Variants in TNC observed in about 807,000 individuals in gnomAD.
TNC encodes tenascin.
TNC carries 109 observed loss-of-function variants against 202.4 expected under a neutral mutation model. That is an observed-to-expected ratio of 0.54 (90% CI 0.46 to 0.63). The LOEUF (loss-of-function observed/expected upper bound fraction) is 0.63, where lower values mean the gene tolerates loss of function less well. Ranked by LOEUF, TNC falls within the 30% of genes least tolerant of loss-of-function variation. The probability of loss-of-function intolerance (pLI) is 0.00; values close to 1 mark genes in which losing one functional copy is unlikely to be tolerated. For missense variants in TNC, 2,756 were observed against 2,833.3 expected, an observed-to-expected ratio of 0.97 and a Z score of 0.62; for synonymous variants, 1,007 against 1,089.7, an observed-to-expected ratio of 0.92 and a Z score of 1.50.
Position 115,087,023 on chromosome 9 carries a change from G to A in TNC, c.708C>T (p.Cys236=), listed in dbSNP as rs143006527. The part of the protein sequence containing the change: ...NDQGKCVNGV[C]ICFEGYAGAD... ...CCCCGGCGTAGCCTTCGAAACAGAT[G>A]CAGACTCCATTTACGCACTTGCCCT... Residue 236 remains cysteine (C), a synonymous_variant, in exon 3 of 28, where the codon TGC becomes TGT. Transcript: ENST00000350763. 3.6e-5 allele frequency: 58 copies of A among 1,613,402 alleles called. No homozygotes were observed. The highest frequency in any genetic ancestry group is 4.7e-5 in the Non-Finnish European group (55 of 1,179,528).
chr9:115,025,852 CAAGA>C (rs1829436178), intron 26 of TNC, among the ~76,000 whole-genome samples: 1 of 152,118 alleles, frequency 6.6e-6, no homozygotes, highest in South Asian at 2.1e-4. Context: ...ACTTCAAGTC[CAAGA>C]AATCTTCAAG....
Position 115,042,670 on chromosome 9 carries a change from T to G in TNC, c.5126-329A>C, listed in dbSNP as rs57814580. Among the ~76,000 whole-genome samples the G allele has an allele frequency of 0.016, 2,385 of 152,308 alleles. 64 individuals are homozygous for G. The highest frequency in any genetic ancestry group is 0.054 in the African/African-American group (2,247 of 41,538). The stretch of plus-strand genomic sequence containing the variant: ...CCCCGTTCATTTTTGATTTTTAACA[T>G]TTTCTTAAATCTTTGCTTTCTAGTT... On this transcript the variant is annotated intron_variant, in intron 17 of 27. Coordinates refer to ENST00000350763, the MANE Select transcript of TNC (RefSeq NM_002160.4).
intron 10 of TNC, among the ~76,000 whole-genome samples, chr9:115,068,162 C>T (rs1317591434): frequency 1.3e-5 from 2 of 152,144 alleles, no homozygotes; most frequent in Non-Finnish European, 2.9e-5. Context: ...GACTTACTGC[C>T]CTAGAAGCCA....
chr9:115,093,288 G>GT (rs1835368700), intron 1 of TNC, among the ~76,000 whole-genome samples: 1 of 152,182 alleles, frequency 6.6e-6, no homozygotes, highest in South Asian at 2.1e-4. Context: ...AACTGTCCCT[G>GT]TAATATCTGC....
intron 14 of TNC, among the ~76,000 whole-genome samples, chr9:115,058,413 A>AAC (rs1307214026): frequency 1.3e-5 from 2 of 152,180 alleles, no homozygotes; most frequent in South Asian, 2.1e-4. Flanking sequence ...TAAGAAGAAA[A>AAC]ACACACACAC....
intron 10 of TNC, among the ~76,000 whole-genome samples, chr9:115,068,709 T>C (rs1181225048): frequency 1.3e-5 from 2 of 152,248 alleles, no homozygotes; most frequent in Non-Finnish European, 2.9e-5. Flanking sequence ...CAGGACTGTA[T>C]AGCTTGCAGT....
intron 1 of TNC, among the ~76,000 whole-genome samples, chr9:115,103,570 G>A (rs1836396884): frequency 6.6e-6 from 1 of 152,146 alleles, no homozygotes; most frequent in South Asian, 2.1e-4. Context: ...GTGACCTTGG[G>A]CAAGTCGCAT....
intron 7 of TNC, among the ~76,000 whole-genome samples, chr9:115,077,618 T>C (rs1439356439): frequency 6.6e-6 from 1 of 152,268 alleles, no homozygotes; most frequent in African/African-American, 2.4e-5. Flanking sequence ...GGCTCATTTG[T>C]CATATATGTT....
chr9:115,032,332 G>T (rs1057233890), intron 22 of TNC, among the ~76,000 whole-genome samples: 1 of 152,166 alleles, frequency 6.6e-6, no homozygotes, highest in African/African-American at 2.4e-5. Context: ...GGAGTGAGGA[G>T]CCCTGTAAGG....
At position 115,052,475 on chromosome 9, in the gene TNC, C is replaced by CAATAAATAAATA. The variant is rs200189324; in HGVS notation, c.4580-3955_4580-3944dup. ...GTAGATTTTAAATGTTCTCACAGCA[C>CAATAAATAAATA]AATAAATAAATAAATAAATAAATAA... On this transcript the variant is annotated intron_variant, in intron 15 of 27. Transcript: ENST00000350763. Among the ~76,000 whole-genome samples, 378 of 148,074 alleles carry CAATAAATAAATA rather than the reference C, an allele frequency of 2.6e-3. 2 individuals carry two copies. The highest frequency in any genetic ancestry group is 3.7e-3 in the Non-Finnish European group (250 of 66,954).
At chr9:115,093,299 A>AAAAAC (rs1434348171) in intron 1 of TNC, among the ~76,000 whole-genome samples, 8 of 152,194 alleles carry the variant, frequency 5.3e-5, no homozygotes, top group Admixed American at 4.6e-4. Flanking sequence ...TAATATCTGC[A>AAAAAC]AAAACAAAAC....
chr9:115,060,008 G>C lies in TNC; in HGVS notation c.4034-6C>G, dbSNP rs747384691. ...TCCCAGCTGTGGGAGATCCTCTGAA[G>C]AAGGACAGAAAAGTATTTGTCAGTT... On this transcript the variant is annotated splice_region_variant and splice_polypyrimidine_tract_variant and intron_variant, in intron 13 of 27. Transcript: ENST00000350763. 4.4e-6 allele frequency: 7 copies of C among 1,607,936 alleles called. No individual in the cohort carries two copies. In the South Asian group the frequency reaches 7.8e-5, roughly 18 times the overall value.
At chr9:115,042,605 A>G (rs1217164660) in intron 17 of TNC, among the ~76,000 whole-genome samples, 3 of 152,184 alleles carry the variant, frequency 2.0e-5, no homozygotes, top group African/African-American at 7.2e-5. Flanking sequence ...CTGACTTCCA[A>G]GGAATCGTGG....
chr9:115,060,048 T>G (rs1276381819), intron 13 of TNC, 46 bp from the exon 14 acceptor site: 1 of 1,529,222 alleles, frequency 6.5e-7, no homozygotes, highest in East Asian at 2.4e-5. Flanking sequence ...AAACCAAAAA[T>G]GAGGAAACCA....
At chr9:115,060,967 CT>C (rs1314231542) in intron 13 of TNC, among the ~76,000 whole-genome samples, 21 of 152,150 alleles carry the variant, frequency 1.4e-4, no homozygotes, top group Non-Finnish European at 3.1e-4. Flanking sequence ...CCCACTATTA[CT>C]GCTTCTACAA....
chr9:115,029,267 C>T, intron 25 of TNC, 93 bp downstream of exon 25: 3 of 1,082,756 alleles, frequency 2.8e-6, no homozygotes, highest in Admixed American at 3.8e-5. Context: ...TCTTCCTCAT[C>T]TCTTTCTCTC....
At chr9:115,080,175 T>A (rs1287559323) in intron 6 of TNC, among the ~76,000 whole-genome samples, 1 of 152,214 alleles carries the variant, frequency 6.6e-6, no homozygotes, top group African/African-American at 2.4e-5. Flanking sequence ...AATGTTGGAA[T>A]GTTTGTTCTA....
intron 1 of TNC, among the ~76,000 whole-genome samples, chr9:115,099,822 A>C (rs953441794): frequency 2.6e-5 from 4 of 152,212 alleles, no homozygotes; most frequent in Non-Finnish European, 5.9e-5. Flanking sequence ...CTATAAGACA[A>C]ATCTGGGAAG....
chr9:115,073,626 G>A lies in TNC; in HGVS notation c.3191C>T (p.Pro1064Leu), dbSNP rs750470282. 3.1e-6 allele frequency: 5 copies of A among 1,614,110 alleles called. No individual in the cohort carries two copies. The highest frequency in any genetic ancestry group is 3.4e-6 in the Non-Finnish European group (4 of 1,180,010). ...ACCAGTGGATGCCTTCACACGTGCG[G>A]GCTTGCTCTTGTGTCTGCCTTTCTC... ...TAEKGRHKSK[P>L]ARVKASTEQA... is the part of the protein sequence containing the mutation. Residue 1064 changes from proline (P) to leucine (L), a missense_variant, in exon 10 of 28, where the codon CCC becomes CTC. Physicochemically the swap from Pro to Leu is moderately conservative, Grantham distance 98. Around this residue, in one of 2 missense-constraint regions of TNC, gnomAD observed 2,559 missense variants for 2,546.0 expected, o/e 1.01. Coordinates refer to ENST00000350763, the MANE Select transcript of TNC (RefSeq NM_002160.4).
Sources: gnomAD v4.1 joint callset for allele counts (sites outside exome capture counted in the v4.1 genomes callset) on GRCh38, gnomAD v4.1.1 for gene constraint, gnomAD v4.1.1 regional missense constraint, MANE v1.5 for transcripts, NCBI Gene and HGNC (gene_info 2026-07-23, HGNC 2026-07-21) for gene names.